Variants in LY6S observed in about 807,000 individuals in gnomAD.
LY6S encodes the protein lymphocyte antigen 6 family member S.
chr8:143,062,210 G>C, the LY6S span, among the ~76,000 whole-genome samples: 1 of 152,146 alleles, frequency 6.6e-6, no homozygotes, highest in Non-Finnish European at 1.5e-5. Context: ...AAATTTAACA[G>C]GGTTCTGAAG....
chr8:143,070,474 TAAA>T, the LY6S span, among the ~76,000 whole-genome samples: 8 of 49,762 alleles, frequency 1.6e-4, no homozygotes, highest in East Asian at 7.2e-4. Context: ...AATATATATA[TAAA>T]TATATATATA....
chr8:143,049,066 C>CG, the LY6S span: 2 of 436,214 alleles, frequency 4.6e-6, no homozygotes. Context: ...AGACCCAGGA[C>CG]GGTGTATGCC....
the LY6S span, chr8:143,059,731 T>A: frequency 6.6e-6 from 1 of 152,172 alleles, no homozygotes; most frequent in Non-Finnish European, 1.5e-5. Flanking sequence ...CCTCTCAAAG[T>A]ACTGGGATTA....
At chr8:143,046,392 A>C in the LY6S span, among the ~76,000 whole-genome samples, 1 of 152,072 alleles carries the variant, frequency 6.6e-6, no homozygotes, top group Non-Finnish European at 1.5e-5. Context: ...CCTGCCTAAC[A>C]TAGTGAAACC....
At chr8:143,072,279 G>A in the LY6S span, among the ~76,000 whole-genome samples, 2 of 38,348 alleles carry the variant, frequency 5.2e-5, no homozygotes, top group African/African-American at 2.1e-4. Flanking sequence ...GTCGTCCCCG[G>A]GGTTCCTGTT....
the LY6S span, among the ~76,000 whole-genome samples, chr8:143,051,032 C>T: frequency 1.3e-5 from 2 of 152,202 alleles, no homozygotes; most frequent in East Asian, 1.9e-4. Flanking sequence ...AAGGAAATCC[C>T]CCATTACATA....
At chr8:143,047,332 A>G in the LY6S span, among the ~76,000 whole-genome samples, 1 of 151,566 alleles carries the variant, frequency 6.6e-6, no homozygotes, top group Non-Finnish European at 1.5e-5. Context: ...TTTTTAGTAG[A>G]GACGGGGTTT....
the LY6S span, chr8:143,047,845 A>G: frequency 2.0e-5 from 3 of 152,126 alleles, no homozygotes; most frequent in Non-Finnish European, 4.4e-5. Context: ...CCCATGGAGG[A>G]GCCTCCCTGG....
chr8:143,057,453 T>G, the LY6S span: 1 of 584,458 alleles, frequency 1.7e-6, no homozygotes, highest in Non-Finnish European at 3.1e-6. Flanking sequence ...TTTCACCATA[T>G]TGGCCAGGCT....
At chr8:143,053,302 A>G in the LY6S span, 1 of 152,098 alleles carries the variant, frequency 6.6e-6, no homozygotes, top group South Asian at 2.1e-4. Context: ...ACAACTCCAG[A>G]TGGGGCTGAT....
At chr8:143,064,668 G>T in the LY6S span, among the ~76,000 whole-genome samples, 1 of 152,058 alleles carries the variant, frequency 6.6e-6, no homozygotes, top group Non-Finnish European at 1.5e-5. Context: ...TGTGTCTGTG[G>T]GTATGCAAAA....
At chr8:143,065,694 C>T in the LY6S span, among the ~76,000 whole-genome samples, 18 of 152,184 alleles carry the variant, frequency 1.2e-4, no homozygotes, top group East Asian at 3.5e-3. Context: ...ACTCCCATGC[C>T]GGGCGCAGGA....
the LY6S span, among the ~76,000 whole-genome samples, chr8:143,070,855 C>T: frequency 6.6e-6 from 1 of 152,094 alleles, no homozygotes. Context: ...TTATTTTATA[C>T]AGGGACTGAT....
At chr8:143,074,541 AT>A in the LY6S span, among the ~76,000 whole-genome samples, 2 of 151,994 alleles carry the variant, frequency 1.3e-5, no homozygotes, top group African/African-American at 4.8e-5. Context: ...TATTTATTTT[AT>A]TTTTAATAAC....
the LY6S span, among the ~76,000 whole-genome samples, chr8:143,042,020 T>A: frequency 1.4e-4 from 1 of 6,934 alleles, no homozygotes. Flanking sequence ...GAGACGGCCG[T>A]CCACCCAGGG....
chr8:143,041,121 A>G, the LY6S span, among the ~76,000 whole-genome samples: 1 of 152,288 alleles, frequency 6.6e-6, no homozygotes, highest in East Asian at 1.9e-4. Context: ...TTATCAGGAG[A>G]CAGGGTTTGA....
chr8:143,048,367 T>G, the LY6S span, among the ~76,000 whole-genome samples: 3 of 152,248 alleles, frequency 2.0e-5, no homozygotes, highest in Admixed American at 2.0e-4. Context: ...TCTGGCCTCG[T>G]TTCAGACACA....
chr8:143,068,157 C>T, the LY6S span, among the ~76,000 whole-genome samples: 1 of 152,234 alleles, frequency 6.6e-6, no homozygotes, highest in Admixed American at 6.5e-5. Context: ...GTCCCTGCGG[C>T]TTTCCGCAGT....
chr8:143,055,636 G>GA, the LY6S span, among the ~76,000 whole-genome samples: 1 of 152,028 alleles, frequency 6.6e-6, no homozygotes, highest in African/African-American at 2.4e-5. Flanking sequence ...TAAGTACCTG[G>GA]AAAAAAACGG....
Sources: gnomAD v4.1 joint callset for allele counts (sites outside exome capture counted in the v4.1 genomes callset) on GRCh38, gnomAD v4.1.1 for gene constraint, MANE v1.5 for transcripts, NCBI Gene and HGNC (gene_info 2026-07-23, HGNC 2026-07-21) for gene names.